The following METTL9 variants were observed in gnomAD, a reference collection of about 807,000 sequenced individuals.
METTL9 encodes methyltransferase 9, His-X-His N1(pi)-histidine.
Under a neutral mutation model 36.0 loss-of-function variants are expected in METTL9, and 10 were observed. The observed-to-expected ratio is 0.28, with a 90% CI of 0.17 to 0.47. The LOEUF (loss-of-function observed/expected upper bound fraction) is 0.47, where lower values mean the gene tolerates loss of function less well. Among genes scored for constraint, METTL9 ranks in the 20% least tolerant of loss-of-function variants. The pLI is 0.99. For missense variants in METTL9, 246 were observed against 383.5 expected, an observed-to-expected ratio of 0.64 and a Z score of 3.00; for synonymous variants, 175 against 149.7, an observed-to-expected ratio of 1.17 and a Z score of -1.23.
At chr16:21,600,156 G>A (rs999613119) in intron 1 of METTL9, among the ~76,000 whole-genome samples, 2 of 152,208 alleles carry the variant, frequency 1.3e-5, no homozygotes, top group Admixed American at 1.3e-4. Context: ...GATCGTGAGC[G>A]GCCCGGAGCC....
chr16:21,628,239 G>A (rs1251565810), intron 4 of METTL9, among the ~76,000 whole-genome samples: 3 of 152,080 alleles, frequency 2.0e-5, no homozygotes, highest in African/African-American at 7.2e-5. Flanking sequence ...GCTGATTGTT[G>A]TTTTGGTAGG....
chr16:21,628,403 T>G (rs1334138454), intron 4 of METTL9, among the ~76,000 whole-genome samples: 4 of 152,192 alleles, frequency 2.6e-5, no homozygotes, highest in Non-Finnish European at 5.9e-5. Flanking sequence ...GATGTATAAC[T>G]TTACTAGAGG....
At chr16:21,649,230 C>T (rs146032792) in intron 4 of METTL9, among the ~76,000 whole-genome samples, 5 of 152,216 alleles carry the variant, frequency 3.3e-5, no homozygotes, top group African/African-American at 1.2e-4. Flanking sequence ...TAAACTCAAG[C>T]GACCCGCTTG....
chr16:21,637,707 T>TGCGCTGC (rs896083382), intron 4 of METTL9, among the ~76,000 whole-genome samples: 1 of 152,232 alleles, frequency 6.6e-6, no homozygotes, highest in African/African-American at 2.4e-5. Context: ...CTGGCCCGCG[T>TGCGCTGC]GCGCTGCGCG....
At chr16:21,620,325 CAT>C (rs1329641333) in intron 3 of METTL9, among the ~76,000 whole-genome samples, 3 of 152,160 alleles carry the variant, frequency 2.0e-5, no homozygotes, top group Admixed American at 6.5e-5. Flanking sequence ...TGATAATTGA[CAT>C]GTTTTCCTTC....
At position 21,654,959 on chromosome 16, in the gene METTL9, G is replaced by T. The variant is rs1298844959; in HGVS notation, c.752-268G>T. The T allele has an allele frequency of 8.5e-6, 4 of 472,654 alleles. 1 individual carries two copies. The South Asian group carries it at 1.0e-4, about 12-fold the overall frequency. The allele number at this position is 472,654 out of a possible 1,614,324, so 29.3% of individuals were successfully genotyped here. A position where few individuals can be genotyped will look rare whatever the true frequency, so the allele number is the denominator to read the frequency against. ...ACTGTCAGAGAAGATAACAGTGTGG[G>T]GCCTTGGATCCAGACAAACCTGGGC... On this transcript the variant is annotated intron_variant, in intron 4 of 4. Coordinates refer to ENST00000358154, the MANE Select transcript of METTL9 (RefSeq NM_016025.5).
At chr16:21,606,787 T>A (rs570471465) in intron 1 of METTL9, among the ~76,000 whole-genome samples, 1 of 152,208 alleles carries the variant, frequency 6.6e-6, no homozygotes, top group Non-Finnish European at 1.5e-5. Context: ...CAAATATGTA[T>A]TTTTTATTAT....
At chr16:21,648,876 C>T (rs1203341230) in intron 4 of METTL9, among the ~76,000 whole-genome samples, 1 of 152,122 alleles carries the variant, frequency 6.6e-6, no homozygotes, top group Non-Finnish European at 1.5e-5. Flanking sequence ...CAGACAGGGG[C>T]TTTTTTCTCT....
At chr16:21,605,236 TG>T (rs1483764833) in intron 1 of METTL9, among the ~76,000 whole-genome samples, 1 of 136,004 alleles carries the variant, frequency 7.4e-6, no homozygotes, top group Admixed American at 7.8e-5. Flanking sequence ...GTCTGAGGGG[TG>T]GTAAAAATAG....
chr16:21,645,880 C>T (rs1176723718), intron 4 of METTL9, among the ~76,000 whole-genome samples: 1 of 152,158 alleles, frequency 6.6e-6, no homozygotes, highest in East Asian at 1.9e-4. Flanking sequence ...ATTTAGCTGA[C>T]AGATGAGAAT....
chr16:21,624,592 T>C (rs767410084), intron 3 of METTL9, among the ~76,000 whole-genome samples: 1 of 152,064 alleles, frequency 6.6e-6, no homozygotes, highest in Non-Finnish European at 1.5e-5. Flanking sequence ...CCGGGCATGG[T>C]GGCAACTGCC....
chr16:21,599,780 G>C lies in METTL9; in HGVS notation c.47G>C (p.Trp16Ser). The C allele has an allele frequency of 6.5e-7, 1 of 1,547,988 alleles. No homozygotes were observed. The highest frequency in any genetic ancestry group is 8.7e-7 in the Non-Finnish European group (1 of 1,154,160). The change falls in exon 1 of 5, where the codon TGG (tryptophan) becomes TCG (serine). Residue 16 changes from tryptophan to serine, a missense_variant. This residue lies in a region of METTL9 where 100 missense variants were observed against 81.4 expected (regional missense o/e 1.23). Transcript: ENST00000358154. This position sits in a 1 kb window ranked among gnomAD's most constrained non-coding sequence, Gnocchi z 4.4. The part of the protein sequence containing the change: ...GWLCLSLASV[W>S]LARRMWTLRS... ...CTGTGCCTGAGCCTGGCGTCCGTGTGGCTGGCGCGGAGGATGTGGACGCTG... is the reference window on the plus strand; with the variant it reads ...CTGTGCCTGAGCCTGGCGTCCGTGTCGCTGGCGCGGAGGATGTGGACGCTG...
chr16:21,655,709 T>G lies in METTL9; in HGVS notation c.*277T>G, dbSNP rs1286723533. ...CACTCCAATTATGATGGAAGATATT[T>G]TTTATACTTAATTGCAGTAGGGACT... On this transcript the variant is annotated 3_prime_UTR_variant, in exon 5 of 5. Coordinates refer to ENST00000358154, the MANE Select transcript of METTL9 (RefSeq NM_016025.5). 1 of 341,110 alleles carries G rather than the reference T, an allele frequency of 2.9e-6. No individual in the cohort carries two copies. The highest frequency in any genetic ancestry group is 2.1e-5 in the African/African-American group (1 of 47,744). 21.1% of individuals were successfully genotyped at this position (341,110 alleles called of 1,614,324 possible). A position where few individuals can be genotyped will look rare whatever the true frequency, so the allele number is the denominator to read the frequency against.
rs1965839033 is a variant in METTL9 at position 21,627,357 on chromosome 16, A to G, written c.751+2242A>G. 7.1e-6 allele frequency: 7 copies of G among 985,096 alleles called. No homozygotes were observed. The Admixed American group carries it at 3.7e-4, about 52-fold the overall frequency. The allele number at this position is 985,096 out of a possible 1,614,324, so 61.0% of individuals were successfully genotyped here. On this transcript the variant is annotated intron_variant, in intron 4 of 4. Transcript: ENST00000358154. ...ATTACTTAGGTAATTGTTTTGGTAAATGGCTTGAAGTTGAACCACAGCAGT... is the reference window on the plus strand; with the variant it reads ...ATTACTTAGGTAATTGTTTTGGTAAGTGGCTTGAAGTTGAACCACAGCAGT...
intron 4 of METTL9, chr16:21,641,399 A>G (rs1055740): frequency 0.85 from 400,223 of 468,258 alleles, 171,902 homozygotes; most frequent in African/African-American, 0.97. Flanking sequence ...TTACATTCTG[A>G]CATCCTTCTT....
intron 4 of METTL9, chr16:21,642,141 G>C (rs143539922): frequency 6.6e-6 from 1 of 152,184 alleles, no homozygotes; most frequent in Non-Finnish European, 1.5e-5. Flanking sequence ...ACACAAGTTC[G>C]TGAAGCGTTC....
chr16:21,644,453 ACATGTGTAAAGTATCCTT>A (rs1966368525), intron 4 of METTL9: 1 of 1,227,274 alleles, frequency 8.1e-7, no homozygotes, highest in African/African-American at 1.5e-5. Context: ...TCTTTCAAAT[ACATGTGTAAAGTATCCTT>A]CACACTGCGT....
chr16:21,625,301 G>T (rs1965793455), intron 4 of METTL9, 186 bp downstream of exon 4: 1 of 624,602 alleles, frequency 1.6e-6, no homozygotes, highest in Non-Finnish European at 2.8e-6. Flanking sequence ...ACTTTATAGA[G>T]GTCTAGCATT....
intron 4 of METTL9, among the ~76,000 whole-genome samples, chr16:21,639,277 A>G (rs929372168): frequency 3.9e-5 from 6 of 152,198 alleles, no homozygotes; most frequent in Non-Finnish European, 8.8e-5. Context: ...CCTTGCTTAC[A>G]TGGGAAAGGC....
Sources: allele counts gnomAD v4.1 joint callset (sites outside exome capture counted in the v4.1 genomes callset), GRCh38; gene constraint gnomAD v4.1.1; regional missense constraint gnomAD v4.1.1; non-coding constraint Gnocchi (gnomAD v3.1); transcripts MANE v1.5; gene names NCBI Gene and HGNC (gene_info 2026-07-23, HGNC 2026-07-21).